WRN: variants seen among roughly 807,000 people sequenced by gnomAD.
The protein encoded by WRN is WRN RecQ like helicase.
WRN carries 149 observed loss-of-function variants against 180.7 expected under a neutral mutation model. That is an observed-to-expected ratio of 0.82 (90% confidence interval 0.72 to 0.94). The LOEUF is 0.94. Among genes scored for constraint, WRN ranks in the 40% least tolerant of loss-of-function variants. WRN has a pLI of 0.00. For missense variants in WRN, 1,661 were observed against 1,700.1 expected (o/e 0.98, Z 0.40); for synonymous variants, 548 against 568.9 (o/e 0.96, Z 0.52).
chr8:31,111,939 C>A, intron 19 of WRN, 140 bp downstream of exon 19: 3 of 1,049,488 alleles, frequency 2.9e-6, no homozygotes, highest in African/African-American at 1.6e-5. Context: ...TGGTTCAAGT[C>A]AAGCATGATG....
rs747793832 is a variant in WRN, at chr8:31,046,374, A to AT, written c.-76-11989dup. Among the ~76,000 whole-genome samples the AT allele has an allele frequency of 1.7e-3, 254 of 151,586 alleles. 1 individual carries two copies. The highest frequency in any genetic ancestry group is 3.4e-3 in the Middle Eastern group (1 of 292). On this transcript the variant is annotated intron_variant, in intron 1 of 34. Coordinates refer to ENST00000298139, the MANE Select transcript of WRN (RefSeq NM_000553.6). ...TAGCAATCAGACTCTTTTAAAGGTG[A>AT]TTTTTTTTTCTTTCCTTTGATAAAA... is the stretch of plus-strand genomic sequence containing the variant.
chr8:31,114,231 A>G (rs566656296), intron 19 of WRN, among the ~76,000 whole-genome samples: 3 of 152,174 alleles, frequency 2.0e-5, no homozygotes, highest in Non-Finnish European at 4.4e-5. Flanking sequence ...TTTGTTTATC[A>G]GTATTCAAGT....
chr8:31,077,966 TG>T (rs1004030961), intron 8 of WRN, among the ~76,000 whole-genome samples: 16 of 152,168 alleles, frequency 1.1e-4, no homozygotes, highest in African/African-American at 3.9e-4. Flanking sequence ...TTAGTGACTG[TG>T]GTGGGTAAAA....
intron 8 of WRN, among the ~76,000 whole-genome samples, chr8:31,077,889 G>A (rs1406660871): frequency 6.6e-6 from 1 of 152,158 alleles, no homozygotes; most frequent in Non-Finnish European, 1.5e-5. Context: ...AAAGGAAAAT[G>A]TGACATTGTT....
chr8:31,116,351 T>C lies in WRN; in HGVS notation c.2274-3T>C. On this transcript the variant is annotated splice_polypyrimidine_tract_variant and splice_region_variant and intron_variant, in intron 19 of 34. Coordinates refer to ENST00000298139, the MANE Select transcript of WRN (RefSeq NM_000553.6). ...TTGCTCTTTTGTTCTTCTTTTTCTTTAGTTCCCACTGGGAATTTGAAGGTC... is the reference window on the plus strand; with the variant it reads ...TTGCTCTTTTGTTCTTCTTTTTCTTCAGTTCCCACTGGGAATTTGAAGGTC... 3.7e-6 allele frequency: 6 copies of C among 1,613,808 alleles called. No individual in the cohort carries two copies. Among genetic ancestry groups the C allele is most frequent in the South Asian group, 2.2e-5 (2 of 91,074 alleles).
At chr8:31,107,788 T>C (rs1483883465) in intron 18 of WRN, among the ~76,000 whole-genome samples, 4 of 152,224 alleles carry the variant, frequency 2.6e-5, no homozygotes, top group African/African-American at 9.6e-5. Context: ...AAAGTGAGTG[T>C]TGAGAAAGAA....
intron 17 of WRN, among the ~76,000 whole-genome samples, chr8:31,098,029 A>G (rs1314262890): frequency 1.3e-5 from 2 of 152,212 alleles, no homozygotes; most frequent in African/African-American, 4.8e-5. Context: ...AATTTTTCCA[A>G]CAATGTAATG....
intron 16 of WRN, among the ~76,000 whole-genome samples, chr8:31,093,713 A>G (rs755449160): frequency 1.1e-4 from 17 of 152,188 alleles, no homozygotes; most frequent in Non-Finnish European, 1.8e-4. Flanking sequence ...CATCATCACA[A>G]TCCAGATAAT....
At chr8:31,065,183 C>A in intron 5 of WRN, 120 bp downstream of exon 5, 7 of 1,047,088 alleles carry the variant, frequency 6.7e-6, no homozygotes, top group Non-Finnish European at 6.8e-6. Flanking sequence ...GTTTTTGTAG[C>A]AATAAAAAAG....
intron 18 of WRN, among the ~76,000 whole-genome samples, chr8:31,106,685 C>T (rs1268323767): frequency 6.6e-6 from 1 of 152,142 alleles, no homozygotes; most frequent in African/African-American, 2.4e-5. Flanking sequence ...ATTAGTTCCC[C>T]CTCCCCCATC....
At chr8:31,082,257 A>G (rs1382909244) in intron 9 of WRN, among the ~76,000 whole-genome samples, 1 of 152,132 alleles carries the variant, frequency 6.6e-6, no homozygotes, top group Non-Finnish European at 1.5e-5. Context: ...GAAATTTTAT[A>G]TTTTATTTCA....
chr8:31,108,872 AG>A (rs1801196492), intron 18 of WRN, among the ~76,000 whole-genome samples: 1 of 152,230 alleles, frequency 6.6e-6, no homozygotes, highest in African/African-American at 2.4e-5. Flanking sequence ...GCTGAGCCCA[AG>A]CCTAAGCCCA....
chr8:31,174,995 A>C lies in WRN; in HGVS notation c.*1893A>C, dbSNP rs903074271. Among the ~76,000 whole-genome samples the C allele has an allele frequency of 5.3e-5, 8 of 151,638 alleles. No homozygotes were observed. The highest frequency in any genetic ancestry group is 1.2e-4 in the African/African-American group (5 of 41,246). Reference sequence around the variant, plus strand: ...ATTACAGGTGTGAGCCACCATGCACAGCCTTACATAAAGCCTTTTCTAATG... The same window carrying C: ...ATTACAGGTGTGAGCCACCATGCACCGCCTTACATAAAGCCTTTTCTAATG... On this transcript the variant is annotated 3_prime_UTR_variant, in exon 35 of 35. Coordinates refer to ENST00000298139, the MANE Select transcript of WRN (RefSeq NM_000553.6).
intron 8 of WRN, among the ~76,000 whole-genome samples, chr8:31,078,397 A>G (rs1813175289): frequency 6.6e-6 from 1 of 152,204 alleles, no homozygotes; most frequent in African/African-American, 2.4e-5. Context: ...CATGTATTCC[A>G]GCTTACTTTC....
In WRN at chr8:31,081,188, G is replaced by A. The variant is rs1800391; in HGVS notation, c.1161G>A (p.Met387Ile). 0.076 allele frequency: 123,182 copies of A among 1,613,922 alleles called. 5,480 individuals are homozygous for A. Among genetic ancestry groups the A allele is most frequent in the Middle Eastern group, 0.14 (869 of 6,060 alleles). Residue 387 changes from methionine to isoleucine, a missense_variant, in exon 9 of 35, where the codon ATG becomes ATA. By Grantham distance (10) the Met-to-Ile change is conservative. Transcript: ENST00000298139. ...AAGACAACAAATTGAAAGAGAATATGGAAAGAGCTTGTTTGATGTCGTTAG... is the reference window on the plus strand; with the variant it reads ...AAGACAACAAATTGAAAGAGAATATAGAAAGAGCTTGTTTGATGTCGTTAG... ...GVEDNKLKEN[M>I]ERACLMSLDI... is the part of the protein sequence containing the mutation.
chr8:31,064,195 T>G, intron 3 of WRN, 94 bp from the exon 4 acceptor site: 1 of 1,418,900 alleles, frequency 7.0e-7, no homozygotes, highest in South Asian at 1.2e-5. Context: ...TTGAACAGTC[T>G]GTGGTTGCCT....
intron 17 of WRN, among the ~76,000 whole-genome samples, chr8:31,098,733 A>G (rs1814091473): frequency 6.6e-6 from 1 of 152,194 alleles, no homozygotes; most frequent in South Asian, 2.1e-4. Context: ...TTTAACAGAA[A>G]CAGCAAACAT....
chr8:31,122,132 C>T (rs922383764), intron 21 of WRN, among the ~76,000 whole-genome samples: 156 of 152,034 alleles, frequency 1.0e-3, no homozygotes, highest in African/African-American at 3.6e-3. Context: ...CAGGAAATAA[C>T]AGTGATTCAA....
intron 20 of WRN, among the ~76,000 whole-genome samples, chr8:31,117,337 CTG>C (rs74983182): frequency 0.44 from 66,699 of 151,680 alleles, 14,959 homozygotes; most frequent in East Asian, 0.6. Flanking sequence ...ATGTACTACT[CTG>C]TGTTTTTAAA....
Sources: gnomAD v4.1 joint callset for allele counts (sites outside exome capture counted in the v4.1 genomes callset) on GRCh38, gnomAD v4.1.1 for gene constraint, MANE v1.5 for transcripts, NCBI Gene and HGNC (gene_info 2026-07-23, HGNC 2026-07-21) for gene names.